Variants in LRP1B observed in about 807,000 individuals in gnomAD.
LRP1B encodes the protein LDL receptor related protein 1B, also known as low-density lipoprotein receptor-related protein 1B.
LRP1B carries 217 observed loss-of-function variants against 556.6 expected under a neutral mutation model. The observed-to-expected ratio is 0.39, with a 90% confidence interval of 0.35 to 0.44. The LOEUF (loss-of-function observed/expected upper bound fraction) is 0.44. Among genes scored for constraint, LRP1B ranks in the 20% least tolerant of loss-of-function variants. The pLI is 1.00. For synonymous variants in LRP1B, 2,047 were observed against 1,865.8 expected, an observed-to-expected ratio of 1.10 and a Z score of -2.50; for missense variants, 5,053 against 5,620.8, an observed-to-expected ratio of 0.90 and a Z score of 3.23.
chr2:141,209,495 A>T (rs545691789), intron 6 of LRP1B, among the ~76,000 whole-genome samples: 7 of 152,354 alleles, frequency 4.6e-5, no homozygotes, highest in Non-Finnish European at 7.3e-5. Context: ...TCTTATCAGC[A>T]GTGTGAGAAC....
chr2:140,297,068 G>A (rs1481782761), intron 84 of LRP1B, among the ~76,000 whole-genome samples: 1 of 152,136 alleles, frequency 6.6e-6, no homozygotes, highest in Non-Finnish European at 1.5e-5. Context: ...GTGTTCATAA[G>A]TAGCCAAGAG....
chr2:141,553,521 C>G (rs1265212637), intron 2 of LRP1B, among the ~76,000 whole-genome samples: 1 of 151,192 alleles, frequency 6.6e-6, no homozygotes, highest in Non-Finnish European at 1.5e-5. Flanking sequence ...ATAAACAGGA[C>G]AGTATAGTTG....
chr2:140,358,967 A>G (rs751921885), intron 72 of LRP1B, 21 bp from the exon 73 acceptor site: 1 of 1,601,724 alleles, frequency 6.2e-7, no homozygotes, highest in Non-Finnish European at 8.5e-7. Context: ...AGAAGAAAAA[A>G]CAAAGAAGCT....
intron 2 of LRP1B, among the ~76,000 whole-genome samples, chr2:141,772,147 G>A (rs1266700426): frequency 6.6e-6 from 1 of 152,088 alleles, no homozygotes; most frequent in Non-Finnish European, 1.5e-5. Flanking sequence ...AATGAAGACA[G>A]CTGTCAGCAA....
chr2:140,647,008 T>C (rs890352669), intron 41 of LRP1B, among the ~76,000 whole-genome samples: 1 of 152,118 alleles, frequency 6.6e-6, no homozygotes, highest in African/African-American at 2.4e-5. Context: ...TTCAATCAAA[T>C]TTATACTCTA....
At chr2:141,550,576 G>C (rs942789268) in intron 2 of LRP1B, among the ~76,000 whole-genome samples, 4 of 151,916 alleles carry the variant, frequency 2.6e-5, no homozygotes, top group Admixed American at 2.6e-4. Flanking sequence ...TTATCCAAAG[G>C]CTTCAAATTA....
At chr2:142,059,805 C>T (rs1704834609) in intron 1 of LRP1B, among the ~76,000 whole-genome samples, 2 of 151,970 alleles carry the variant, frequency 1.3e-5, no homozygotes, top group Non-Finnish European at 2.9e-5. Flanking sequence ...TTCAGAAGAA[C>T]AAATCCCTTA....
chr2:140,881,999 G>A (rs917095739), intron 25 of LRP1B, among the ~76,000 whole-genome samples: 19 of 152,232 alleles, frequency 1.2e-4, no homozygotes, highest in African/African-American at 4.6e-4. Context: ...ATCTTGTTTG[G>A]AGAGACCATT....
At chr2:141,610,285 T>C (rs1688061980) in intron 2 of LRP1B, among the ~76,000 whole-genome samples, 2 of 151,082 alleles carry the variant, frequency 1.3e-5, no homozygotes, top group African/African-American at 4.9e-5. Context: ...ACCTGCACAC[T>C]GTGCACATGT....
At chr2:142,001,225 G>A (rs564650928) in intron 1 of LRP1B, among the ~76,000 whole-genome samples, 123 of 152,170 alleles carry the variant, frequency 8.1e-4, no homozygotes, top group Middle Eastern at 6.8e-3. Context: ...CATGAGAATG[G>A]ACTAATACAG....
chr2:140,915,805 G>C (rs1405860429), intron 21 of LRP1B, among the ~76,000 whole-genome samples: 2 of 151,926 alleles, frequency 1.3e-5, no homozygotes, highest in Admixed American at 6.6e-5. Context: ...AAAACTGTCA[G>C]CTCACGAGGT....
intron 31 of LRP1B, among the ~76,000 whole-genome samples, chr2:140,833,459 T>C (rs1265135021): frequency 6.6e-6 from 1 of 152,238 alleles, no homozygotes; most frequent in Non-Finnish European, 1.5e-5. Context: ...CGTGTTTTTA[T>C]TAGTGTTTCT....
chr2:140,874,115 T>C (rs1264934352), intron 25 of LRP1B, among the ~76,000 whole-genome samples: 1 of 152,062 alleles, frequency 6.6e-6, no homozygotes, highest in Non-Finnish European at 1.5e-5. Flanking sequence ...TAAGAATTTA[T>C]TTTTAAAAAA....
At chr2:140,802,831 C>A (rs759136719) in intron 32 of LRP1B, among the ~76,000 whole-genome samples, 16 of 152,006 alleles carry the variant, frequency 1.1e-4, no homozygotes, top group Non-Finnish European at 1.5e-4. Flanking sequence ...TTTTTAAAAA[C>A]CCTCAAAGGT....
chr2:141,544,317 T>C (rs1045038820), intron 2 of LRP1B, among the ~76,000 whole-genome samples: 5 of 31,868 alleles, frequency 1.6e-4, no homozygotes, highest in African/African-American at 7.0e-4. Flanking sequence ...CTTCTTCTTC[T>C]TCTTCTTCTT....
At chr2:141,698,402 G>A (rs1691809778) in intron 2 of LRP1B, among the ~76,000 whole-genome samples, 1 of 151,230 alleles carries the variant, frequency 6.6e-6, no homozygotes, top group South Asian at 2.1e-4. Flanking sequence ...CAAGAATCAG[G>A]GAAAGTGTTC....
chr2:140,935,849 T>A (rs570453079), intron 20 of LRP1B, among the ~76,000 whole-genome samples: 1 of 152,092 alleles, frequency 6.6e-6, no homozygotes, highest in African/African-American at 2.4e-5. Context: ...TGGGCTGATA[T>A]GTATATCCAA....
At position 141,472,028 on chromosome 2, in the gene LRP1B, G is replaced by A. The variant is rs750554961; in HGVS notation, c.343+8368C>T. Among the ~76,000 whole-genome samples the A allele has an allele frequency of 5.9e-5, 9 of 152,280 alleles. No individual in the cohort carries two copies. In the South Asian group the frequency reaches 8.3e-4, roughly 14 times the overall value. Reference sequence around the variant, plus strand: ...TCAACTGGGGAGAGATTACTTGTCCGAAGGAAGTTGAGTTTTCTGGCTTTT... The same window carrying A: ...TCAACTGGGGAGAGATTACTTGTCCAAAGGAAGTTGAGTTTTCTGGCTTTT... On this transcript the variant is annotated intron_variant, in intron 3 of 90. Transcript: ENST00000389484.
chr2:140,752,019 A>C (rs752242616), intron 35 of LRP1B, among the ~76,000 whole-genome samples: 1 of 152,226 alleles, frequency 6.6e-6, no homozygotes, highest in East Asian at 1.9e-4. Context: ...AGTTAAGAAC[A>C]CTTAGCCACT....
Sources: gnomAD v4.1 joint callset for allele counts (sites outside exome capture counted in the v4.1 genomes callset) on GRCh38, gnomAD v4.1.1 for gene constraint, MANE v1.5 for transcripts, NCBI Gene and HGNC (gene_info 2026-07-23, HGNC 2026-07-21) for gene names.